Variants in ROBO2 observed in about 807,000 individuals in gnomAD.
ROBO2 encodes the protein roundabout guidance receptor 2.
A neutral mutation model predicts 160.8 loss-of-function variants in ROBO2; 53 were observed. That is an observed-to-expected ratio of 0.33 (90% CI 0.26 to 0.41). The LOEUF is 0.41. Among genes scored for constraint, ROBO2 ranks in the 10% least tolerant of loss-of-function variants. The probability of loss-of-function intolerance (pLI) is 1.00; values close to 1 mark genes in which losing one functional copy is unlikely to be tolerated. For synonymous variants in ROBO2, 664 were observed against 611.7 expected, an observed-to-expected ratio of 1.09 and a Z score of -1.26; for missense variants, 1,577 against 1,722.4, an observed-to-expected ratio of 0.92 and a Z score of 1.49.
At chr3:76,750,325 C>T (rs2093962625) in intron 2 of ROBO2, among the ~76,000 whole-genome samples, 1 of 152,040 alleles carries the variant, frequency 6.6e-6, no homozygotes, top group South Asian at 2.1e-4. Flanking sequence ...TTATGACAAA[C>T]CCACAGCCAA....
At chr3:76,343,329 G>A (rs2074340651) in intron 2 of ROBO2, among the ~76,000 whole-genome samples, 1 of 151,884 alleles carries the variant, frequency 6.6e-6, no homozygotes. Context: ...AATTCCTGAT[G>A]TCTTCATCTG....
chr3:76,904,110 A>G (rs1166991), intron 2 of ROBO2, among the ~76,000 whole-genome samples: 104,459 of 151,948 alleles, frequency 0.69, 36,077 homozygotes, highest in Middle Eastern at 0.82. Flanking sequence ...TCCTAAATAC[A>G]TAATAATTTA....
At chr3:76,070,726 A>G (rs982493630) in intron 2 of ROBO2, among the ~76,000 whole-genome samples, 3 of 152,032 alleles carry the variant, frequency 2.0e-5, no homozygotes, top group Non-Finnish European at 2.9e-5. Flanking sequence ...ACCTACTGAC[A>G]TGTGATGTCT....
chr3:77,537,099 T>TGTGGG (rs1553650178), intron 6 of ROBO2, among the ~76,000 whole-genome samples: 1 of 127,780 alleles, frequency 7.8e-6, no homozygotes, highest in Non-Finnish European at 1.6e-5. Flanking sequence ...ACATATTTTG[T>TGTGGG]GGGGGGGGGG....
At chr3:77,396,154 T>C (rs1368130551) in intron 2 of ROBO2, among the ~76,000 whole-genome samples, 1 of 151,988 alleles carries the variant, frequency 6.6e-6, no homozygotes, top group Non-Finnish European at 1.5e-5. Context: ...TCTCACCTCC[T>C]ATTTGGACCT....
chr3:76,362,403 A>G (rs539085255), intron 2 of ROBO2, among the ~76,000 whole-genome samples: 2 of 152,142 alleles, frequency 1.3e-5, no homozygotes, highest in South Asian at 4.1e-4. Context: ...ACCTGATTTT[A>G]TTGATCATAG....
In ROBO2 at chr3:75,947,177, G is replaced by A. The variant is rs1948336659; in HGVS notation, c.109+9575G>A. On this transcript the variant is annotated intron_variant, in intron 2 of 26. Coordinates refer to the ROBO2 transcript ENST00000487694. ...GAGGAAGTTTGCAAGTGACAGAGGTGTGGGCAGATGCATATGTATGATTGA... is the reference window on the plus strand; with the variant it reads ...GAGGAAGTTTGCAAGTGACAGAGGTATGGGCAGATGCATATGTATGATTGA... 2.0e-5 allele frequency among the ~76,000 whole-genome samples: 3 copies of A among 151,982 alleles called. No homozygotes were observed. In the South Asian group the frequency reaches 6.3e-4, roughly 32 times the overall value.
intron 2 of ROBO2, among the ~76,000 whole-genome samples, chr3:76,893,051 T>C (rs183299201): frequency 9.2e-5 from 14 of 152,300 alleles, no homozygotes; most frequent in Admixed American, 7.8e-4. Flanking sequence ...TCTCCTCCAA[T>C]TGGAACCCTG....
intron 2 of ROBO2, among the ~76,000 whole-genome samples, chr3:77,023,631 C>T (rs534232092): frequency 3.3e-4 from 50 of 152,238 alleles, no homozygotes; most frequent in Middle Eastern, 3.4e-3. Context: ...GGAACTGAAA[C>T]ATTCTGCTAA....
chr3:77,223,250 A>G (rs1243493278), intron 2 of ROBO2, among the ~76,000 whole-genome samples: 1 of 152,140 alleles, frequency 6.6e-6, no homozygotes, highest in Non-Finnish European at 1.5e-5. Context: ...GGAGTTTAAG[A>G]ATATCTGTAC....
chr3:77,401,358 C>G (rs1011752918), intron 2 of ROBO2, among the ~76,000 whole-genome samples: 4 of 151,388 alleles, frequency 2.6e-5, no homozygotes, highest in Non-Finnish European at 5.9e-5. Context: ...GAATCCAAGT[C>G]TCTTCTTTAC....
chr3:75,927,585 C>G (rs1387766091), intron 1 of ROBO2, among the ~76,000 whole-genome samples: 1 of 152,194 alleles, frequency 6.6e-6, no homozygotes, highest in Admixed American at 6.5e-5. Flanking sequence ...CACAAGCTAA[C>G]ACGAGCAGGT....
chr3:75,934,409 A>G (rs1027759146), intron 1 of ROBO2, among the ~76,000 whole-genome samples: 1 of 152,226 alleles, frequency 6.6e-6, no homozygotes, highest in Non-Finnish European at 1.5e-5. Context: ...AGAGAAGTCC[A>G]TGGCATGTCT....
chr3:77,463,996 T>G (rs1299501356), intron 2 of ROBO2, among the ~76,000 whole-genome samples: 1 of 152,220 alleles, frequency 6.6e-6, no homozygotes, highest in Non-Finnish European at 1.5e-5. Flanking sequence ...TTTACTATAC[T>G]ACTTCTAATT....
intron 2 of ROBO2, among the ~76,000 whole-genome samples, chr3:76,345,883 A>G (rs142793875): frequency 1.1e-3 from 166 of 152,090 alleles, no homozygotes; most frequent in African/African-American, 3.5e-3. Flanking sequence ...CCAAACTCCA[A>G]GTTTGTATTG....
At chr3:76,275,754 C>T (rs909175010) in intron 2 of ROBO2, among the ~76,000 whole-genome samples, 1 of 152,120 alleles carries the variant, frequency 6.6e-6, no homozygotes, top group Non-Finnish European at 1.5e-5. Context: ...TGAAGTTTAA[C>T]ATTTTCAATA....
At chr3:77,087,734 A>C (rs1192505705) in intron 1 of ROBO2, among the ~76,000 whole-genome samples, 1 of 137,344 alleles carries the variant, frequency 7.3e-6, no homozygotes, top group African/African-American at 2.7e-5. Context: ...ACATATATAC[A>C]TATATGTGTG....
chr3:75,997,551 A>C (rs2065765752), intron 2 of ROBO2, among the ~76,000 whole-genome samples: 1 of 130,784 alleles, frequency 7.6e-6, no homozygotes, highest in African/African-American at 2.8e-5. Context: ...GGGGTGCAGT[A>C]GTGCGATCTC....
intron 2 of ROBO2, among the ~76,000 whole-genome samples, chr3:76,128,735 T>A (rs879479311): frequency 6.6e-6 from 1 of 152,110 alleles, no homozygotes; most frequent in Admixed American, 6.6e-5. Flanking sequence ...TCCTCAGTCA[T>A]TGACAGTCAA....
Sources: allele counts gnomAD v4.1 joint callset (sites outside exome capture counted in the v4.1 genomes callset), GRCh38; gene constraint gnomAD v4.1.1; transcripts MANE v1.5; gene names NCBI Gene and HGNC (gene_info 2026-07-23, HGNC 2026-07-21).